The following CPNE9 variants were observed in gnomAD, a reference collection of about 807,000 sequenced individuals.
CPNE9 encodes copine-9.
CPNE9 carries 59 observed loss-of-function variants against 83.0 expected under a neutral mutation model. The ratio of observed to expected loss-of-function variants is 0.71; its 90% CI spans 0.58 to 0.88. CPNE9 has a LOEUF of 0.88. CPNE9 is among the 40% of genes least tolerant of loss of function. The probability of loss-of-function intolerance (pLI) is 0.00; values close to 1 mark genes in which losing one functional copy is unlikely to be tolerated. For synonymous variants in CPNE9, 256 were observed against 273.4 expected, an observed-to-expected ratio of 0.94 and a Z score of 0.63; for missense variants, 619 against 720.8, an observed-to-expected ratio of 0.86 and a Z score of 1.62.
intron 7 of CPNE9, 86 bp downstream of exon 7, chr3:9,706,149 A>C: frequency 7.2e-7 from 1 of 1,385,376 alleles, no homozygotes; most frequent in Non-Finnish European, 1.0e-6. Context: ...ATAGAAGTGG[A>C]GGCTGGGGTT....
At chr3:9,710,110 C>A (rs566470178) in intron 7 of CPNE9, among the ~76,000 whole-genome samples, 1 of 151,722 alleles carries the variant, frequency 6.6e-6, no homozygotes, top group East Asian at 1.9e-4. Flanking sequence ...GAGCCCAGTT[C>A]AGGATCAGCC....
intron 17 of CPNE9, among the ~76,000 whole-genome samples, chr3:9,723,827 A>C (rs2125474643): frequency 6.6e-6 from 1 of 152,310 alleles, no homozygotes; most frequent in South Asian, 2.1e-4. Context: ...TACAGGCGTG[A>C]GCCACCCCAC....
chr3:9,720,164 GCT>G (rs1328602873), intron 17 of CPNE9, among the ~76,000 whole-genome samples: 5 of 151,852 alleles, frequency 3.3e-5, no homozygotes, highest in East Asian at 1.9e-4. Flanking sequence ...ACATAAATAA[GCT>G]CTGTTTGACC....
At position 9,712,987 on chromosome 3, in the gene CPNE9, C is replaced by T; in HGVS notation, c.558C>T (p.Cys186=). The part of the protein sequence containing the change: ...RSNEDGTFTI[C]HKTEVVKNTL... ...CACTCCCCTCCAGGTTCACCATCTG[C>T]CACAAGACAGAGGTTGTGAAAAACA... The change falls in exon 10 of 21, where the codon TGC becomes TGT. Residue 186 remains cysteine, a synonymous_variant. Coordinates refer to ENST00000383832, the MANE Select transcript of CPNE9 (RefSeq NM_153635.3). 6.2e-7 allele frequency: 1 copy of T among 1,614,052 alleles called. No homozygotes were observed. Among genetic ancestry groups the T allele is most frequent in the Non-Finnish European group, 8.5e-7 (1 of 1,179,902 alleles).
In CPNE9 at chr3:9,704,776, C is replaced by G; in HGVS notation, c.137C>G (p.Ala46Gly). Residue 46 changes from alanine to glycine, a missense_variant, in exon 3 of 21, where the codon GCC becomes GGC. By Grantham distance (60) the Ala-to-Gly change is moderately conservative. Transcript: ENST00000383832. The surrounding 1 kb of genome is among the most constrained non-coding windows in gnomAD (Gnocchi z 7.1). ...GTGGTGCTTTACACGCAGAGCCGGG[C>G]CAGCCAGGAGTGGCGGGAGGTGAGT... The part of the protein sequence containing the change: ...PMVVLYTQSR[A>G]SQEWREFGRT... The G allele has an allele frequency of 6.2e-7, 1 of 1,611,764 alleles. No individual in the cohort carries two copies. The highest frequency in any genetic ancestry group is 8.5e-7 in the Non-Finnish European group (1 of 1,179,380).
At chr3:9,709,493 C>CGAGTAG (rs1014581880) in intron 7 of CPNE9, among the ~76,000 whole-genome samples, 1 of 150,376 alleles carries the variant, frequency 6.6e-6, no homozygotes, top group Non-Finnish European at 1.5e-5. Context: ...CTCAGCCTCC[C>CGAGTAG]GAGTAGCTTG....
chr3:9,718,208 CT>C lies in CPNE9; in HGVS notation c.1112del (p.Leu371ArgfsTer69), dbSNP rs990430849. Reference protein sequence around the residue: ...PEGRISHQFPLNNNDEDPNCA... With the variant: ...PEGRISHQFPXNNNDEDPNCA... ...GGGACGGATCTCCCACCAGTTCCCC[CT>C]GGTATGGTATTGGCCAGAGCTTACC... On this transcript the variant is annotated frameshift_variant and splice_region_variant, in exon 16 of 21. Coordinates refer to ENST00000383832, the MANE Select transcript of CPNE9 (RefSeq NM_153635.3). LOFTEE classifies it high-confidence loss of function. The C allele has an allele frequency of 3.7e-6, 6 of 1,609,868 alleles. No individual in the cohort carries two copies. The highest frequency in any genetic ancestry group is 5.1e-6 in the Non-Finnish European group (6 of 1,177,752).
Position 9,704,535 on chromosome 3 carries a change from G to A in CPNE9, c.69-52G>A. Reference sequence around the variant, plus strand: ...AGTGCCCGGCTCAGAGCCGACTCGAGGCGGGCGGACTCCAGGATGATCCAC... The same window carrying A: ...AGTGCCCGGCTCAGAGCCGACTCGAAGCGGGCGGACTCCAGGATGATCCAC... On this transcript the variant is annotated intron_variant, in intron 1 of 20. Coordinates refer to ENST00000383832, the MANE Select transcript of CPNE9 (RefSeq NM_153635.3). This position sits in a 1 kb window ranked among gnomAD's most constrained non-coding sequence, Gnocchi z 7.1. 2 of 1,474,754 alleles carry A rather than the reference G, an allele frequency of 1.4e-6. No individual in the cohort carries two copies. 91.4% of individuals were successfully genotyped at this position (1,474,754 alleles called of 1,614,324 possible). A position where few individuals can be genotyped will look rare whatever the true frequency, so the allele number is the denominator to read the frequency against.
intron 18 of CPNE9, 135 bp downstream of exon 18, chr3:9,726,186 G>A (rs1391959619): frequency 1.8e-6 from 1 of 568,414 alleles, no homozygotes; most frequent in South Asian, 2.2e-5. Context: ...CAAGACTCTT[G>A]GATTAGAGAT....
At chr3:9,713,148 T>G (rs572031745) in intron 10 of CPNE9, 69 bp downstream of exon 10, 126 of 1,178,426 alleles carry the variant, frequency 1.1e-4, no homozygotes, top group Non-Finnish European at 1.4e-4. Flanking sequence ...GGCCCAAGAA[T>G]GATAGTAGAA....
Position 9,729,487 on chromosome 3 carries a change from C to G in CPNE9, c.1477-20C>G, listed in dbSNP as rs1410083524. ...CTCTCCTGGTCATGGCTTATCTCTTCTTGTCTGTGCCTGACCCAGTTCGTC... is the reference window on the plus strand; with the variant it reads ...CTCTCCTGGTCATGGCTTATCTCTTGTTGTCTGTGCCTGACCCAGTTCGTC... On this transcript the variant is annotated intron_variant, in intron 20 of 20. Transcript: ENST00000383832. 2 of 1,600,300 alleles carry G rather than the reference C, an allele frequency of 1.2e-6. No individual in the cohort carries two copies. Among genetic ancestry groups the G allele is most frequent in the South Asian group, 2.2e-5 (2 of 90,036 alleles).
intron 7 of CPNE9, 67 bp from the exon 8 acceptor site, chr3:9,712,474 A>C (rs2076639323): frequency 7.6e-7 from 1 of 1,319,476 alleles, no homozygotes; most frequent in Non-Finnish European, 1.1e-6. Flanking sequence ...ACCTAACCCC[A>C]GACTGGCCAC....
chr3:9,718,507 C>G lies in CPNE9; in HGVS notation c.1146C>G (p.Gly382=), dbSNP rs766942159. ...NNNDEDPNCA[G]IEGVLESYFQ... is the part of the protein sequence containing the mutation. The stretch of plus-strand genomic sequence containing the variant: ...ATGATGAGGACCCCAACTGTGCGGG[C>G]ATCGAGGGTGTGCTGGAGAGCTATT... The change falls in exon 17 of 21, where the codon GGC becomes GGG. Residue 382 remains glycine (G), a synonymous_variant. Coordinates refer to ENST00000383832, the MANE Select transcript of CPNE9 (RefSeq NM_153635.3). 7 of 1,613,546 alleles carry G rather than the reference C, an allele frequency of 4.3e-6. No homozygotes were observed. The African/African-American group carries it at 8.0e-5, about 18-fold the overall frequency.
rs1445785767 is a variant in CPNE9, at chr3:9,706,044, C to T, written c.358C>T (p.Arg120Ter). The T allele has an allele frequency of 5.0e-6, 8 of 1,613,480 alleles. No homozygotes were observed. Among genetic ancestry groups the T allele is most frequent in the East Asian group, 2.2e-5 (1 of 44,872 alleles). The change falls in exon 7 of 21, where the codon CGA becomes TGA. Residue 120 changes from arginine to a stop codon, truncating the protein, a stop_gained. Transcript: ENST00000383832. LOFTEE classifies it high-confidence loss of function. ...LGEVIGGQGS[R>*]VERTLTGVPG... ...AGAGGTGATTGGAGGCCAGGGCAGC[C>T]GAGTAGAGCGAACCCTCACGTAAGC...
Position 9,718,090 on chromosome 3 carries a change from C to T in CPNE9, c.993C>T (p.Ala331=), listed in dbSNP as rs2076701217. ...YMSPYQLSAY[A]MALKAVGEII... is the part of the protein sequence containing the mutation. ...GTCCCTACCAGCTCAGCGCCTATGC[C>T]ATGGCCCTCAAGGCAGTGGGAGAGA... Residue 331 remains alanine, a synonymous_variant, in exon 16 of 21, where the codon GCC becomes GCT. Coordinates refer to ENST00000383832, the MANE Select transcript of CPNE9 (RefSeq NM_153635.3). The T allele has an allele frequency of 3.1e-6, 5 of 1,614,030 alleles. No individual in the cohort carries two copies. In the East Asian group the frequency reaches 1.1e-4, roughly 36 times the overall value.
In CPNE9 at chr3:9,727,166, G is replaced by A. The variant is rs755372206; in HGVS notation, c.1456G>A (p.Ala486Thr). The A allele has an allele frequency of 2.1e-5, 34 of 1,614,118 alleles. No individual in the cohort carries two copies. Among genetic ancestry groups the A allele is most frequent in the East Asian group, 1.1e-4 (5 of 44,896 alleles). ...DVRVSSRGRYAERDIVQFVPF... is the reference protein window; with the variant it reads ...DVRVSSRGRYTERDIVQFVPF... The stretch of plus-strand genomic sequence containing the variant: ...GCGCGTGTCCTCTAGGGGACGCTAC[G>A]CAGAGCGGGACATCGTTCAGGTAGA... Residue 486 changes from alanine to threonine, a missense_variant, in exon 20 of 21, where the codon GCA becomes ACA. Physicochemically the swap from Ala to Thr is moderately conservative, Grantham distance 58. Coordinates refer to ENST00000383832, the MANE Select transcript of CPNE9 (RefSeq NM_153635.3).
At chr3:9,723,917 C>G (rs1163583496) in intron 17 of CPNE9, among the ~76,000 whole-genome samples, 1 of 152,230 alleles carries the variant, frequency 6.6e-6, no homozygotes. Flanking sequence ...CAATACAGTA[C>G]TGTCCAATAG....
rs113663378 is a variant in CPNE9, at chr3:9,717,094, G to A, written c.921G>A (p.Thr307=). ...QLNFTVAIDF[T]ASNGNPLQPT... is the part of the protein sequence containing the mutation. ...ACTTCACAGTAGCCATTGACTTCAC[G>A]GCTTCCAATGGTGAGACACGGATGA... Residue 307 remains threonine, a synonymous_variant, in exon 15 of 21, where the codon ACG becomes ACA. Transcript: ENST00000383832. The A allele has an allele frequency of 2.8e-5, 45 of 1,613,996 alleles. No homozygotes were observed. The highest frequency in any genetic ancestry group is 2.0e-4 in the South Asian group (18 of 91,082).
chr3:9,712,046 T>C (rs1309511676), intron 7 of CPNE9, among the ~76,000 whole-genome samples: 2 of 152,150 alleles, frequency 1.3e-5, no homozygotes, highest in African/African-American at 4.8e-5. Flanking sequence ...AGAGAGCCAG[T>C]TGCCCAATTC....
Sources: allele counts gnomAD v4.1 joint callset (sites outside exome capture counted in the v4.1 genomes callset), GRCh38; gene constraint gnomAD v4.1.1; non-coding constraint Gnocchi (gnomAD v3.1); transcripts MANE v1.5; gene names NCBI Gene and HGNC (gene_info 2026-07-23, HGNC 2026-07-21).